The following PRKG1 variants were observed in gnomAD, a reference collection of about 807,000 sequenced individuals.
PRKG1 encodes protein kinase cGMP-dependent 1.
Under a neutral mutation model 88.1 loss-of-function variants are expected in PRKG1, and 35 were observed. The ratio of observed to expected loss-of-function variants is 0.40; its 90% CI spans 0.30 to 0.53. The LOEUF is 0.53. Among genes scored for constraint, PRKG1 ranks in the 20% least tolerant of loss-of-function variants. The probability of loss-of-function intolerance (pLI) is 0.59; values close to 1 mark genes in which losing one functional copy is unlikely to be tolerated. For missense variants in PRKG1, 540 were observed against 839.8 expected (o/e 0.64, Z 4.41); for synonymous variants, 303 against 292.5 (o/e 1.04, Z -0.37).
rs543220713 is a variant in PRKG1, at chr10:51,743,077, G to A, written c.593-61508G>A. On this transcript the variant is annotated intron_variant, in intron 3 of 17. Coordinates refer to ENST00000373980, the MANE Select transcript of PRKG1 (RefSeq NM_006258.4). The stretch of plus-strand genomic sequence containing the variant: ...AAGAGAGAGAGAGAGAGAAAGGAAG[G>A]ATACACAGAGACCGGCAGCTCTTTC... Among the ~76,000 whole-genome samples the A allele has an allele frequency of 8.6e-5, 13 of 151,792 alleles. No individual in the cohort carries two copies. In the South Asian group the frequency reaches 2.5e-3, roughly 29 times the overall value.
chr10:50,998,784 G>A (rs1461460616), intron 1 of PRKG1, among the ~76,000 whole-genome samples: 1 of 152,012 alleles, frequency 6.6e-6, no homozygotes. Flanking sequence ...ACAAAACAAA[G>A]CTTTAAAATA....
chr10:51,186,352 T>C (rs1026429870), intron 2 of PRKG1, among the ~76,000 whole-genome samples: 2 of 152,056 alleles, frequency 1.3e-5, no homozygotes, highest in African/African-American at 4.8e-5. Context: ...ATTCTTTCCC[T>C]TGTTACATTC....
intron 3 of PRKG1, among the ~76,000 whole-genome samples, chr10:51,746,377 A>C (rs1401829073): frequency 6.6e-6 from 1 of 151,612 alleles, no homozygotes; most frequent in East Asian, 1.9e-4. Flanking sequence ...TCTCACCTCT[A>C]TCTTAGAGTT....
At chr10:51,735,629 A>C (rs207470902) in intron 3 of PRKG1, among the ~76,000 whole-genome samples, 1 of 152,096 alleles carries the variant, frequency 6.6e-6, no homozygotes, top group African/African-American at 2.4e-5. Flanking sequence ...CTGATATAAA[A>C]TGGCATAAAT....
At chr10:51,168,725 A>G (rs1440533309) in intron 2 of PRKG1, among the ~76,000 whole-genome samples, 1 of 152,194 alleles carries the variant, frequency 6.6e-6, no homozygotes, top group African/African-American at 2.4e-5. Context: ...CACATCACAC[A>G]TATCTAGAAC....
chr10:52,270,379 T>C (rs12411710), intron 10 of PRKG1, among the ~76,000 whole-genome samples: 4,501 of 151,876 alleles, frequency 0.03, 292 homozygotes, highest in East Asian at 0.24. Context: ...GGTATATACC[T>C]AAAGGATTAT....
At chr10:51,580,173 A>C (rs143275333) in intron 3 of PRKG1, among the ~76,000 whole-genome samples, 2 of 151,684 alleles carry the variant, frequency 1.3e-5, no homozygotes, top group East Asian at 3.9e-4. Flanking sequence ...TGTCTTTGTC[A>C]CTCTCTGTTA....
intron 3 of PRKG1, among the ~76,000 whole-genome samples, chr10:51,588,437 T>C (rs1351486465): frequency 2.0e-5 from 3 of 152,194 alleles, no homozygotes; most frequent in Admixed American, 6.6e-5. Context: ...AAGTCTGAGG[T>C]AGGCCTTACA....
At chr10:52,213,727 G>C (rs1193780125) in intron 9 of PRKG1, among the ~76,000 whole-genome samples, 1 of 152,190 alleles carries the variant, frequency 6.6e-6, no homozygotes. Context: ...GACTGGAAGA[G>C]AGGCAGTGGC....
chr10:51,214,534 C>T (rs900495097), intron 2 of PRKG1, among the ~76,000 whole-genome samples: 12 of 151,854 alleles, frequency 7.9e-5, no homozygotes, highest in Non-Finnish European at 1.2e-4. Flanking sequence ...CAGGCTGGAG[C>T]GCAGTGGCAT....
intron 12 of PRKG1, among the ~76,000 whole-genome samples, chr10:52,276,158 G>A (rs930745205): frequency 5.3e-5 from 8 of 152,036 alleles, no homozygotes; most frequent in South Asian, 4.1e-4. Context: ...CCCCTTTACC[G>A]ATTTGGATGC....
intron 2 of PRKG1, among the ~76,000 whole-genome samples, chr10:51,384,195 C>T (rs1010841561): frequency 2.4e-4 from 36 of 152,242 alleles, no homozygotes; most frequent in African/African-American, 8.7e-4. Context: ...GCAGCCAGAG[C>T]CCAACTCAAA....
intron 5 of PRKG1, among the ~76,000 whole-genome samples, chr10:51,913,007 C>A (rs2132959327): frequency 6.6e-6 from 1 of 152,304 alleles, no homozygotes; most frequent in Non-Finnish European, 1.5e-5. Context: ...CAGCTCACTG[C>A]AACCTTCATC....
Position 51,551,703 on chromosome 10 carries a change from G to A in PRKG1, c.592+83867G>A, listed in dbSNP as rs145378480. Among the ~76,000 whole-genome samples the A allele has an allele frequency of 3.9e-3, 589 of 151,738 alleles. 28 individuals are homozygous for A. The East Asian group carries it at 0.1, about 26-fold the overall frequency. Reference sequence around the variant, plus strand: ...CTTTGAAAAACTAATAATTGAGTGAGACTCCTCTATCATTGAAAAACTAAT... The same window carrying A: ...CTTTGAAAAACTAATAATTGAGTGAAACTCCTCTATCATTGAAAAACTAAT... On this transcript the variant is annotated intron_variant, in intron 3 of 17. Coordinates refer to ENST00000373980, the MANE Select transcript of PRKG1 (RefSeq NM_006258.4).
chr10:51,654,005 G>C (rs1840102987), intron 3 of PRKG1, among the ~76,000 whole-genome samples: 1 of 151,876 alleles, frequency 6.6e-6, no homozygotes, highest in Admixed American at 6.6e-5. Flanking sequence ...TGTTCATTCT[G>C]TTGTTTACTT....
intron 3 of PRKG1, among the ~76,000 whole-genome samples, chr10:51,607,389 A>T (rs183200259): frequency 6.6e-6 from 1 of 152,346 alleles, no homozygotes; most frequent in East Asian, 1.9e-4. Flanking sequence ...ATGTAGCTAC[A>T]TATAAAACGA....
chr10:51,021,612 T>A (rs987871836), intron 1 of PRKG1, among the ~76,000 whole-genome samples: 2 of 152,192 alleles, frequency 1.3e-5, no homozygotes, highest in African/African-American at 4.8e-5. Flanking sequence ...AAGGTAGAAT[T>A]TTTTTCCTCC....
At chr10:51,395,658 A>G (rs1320290659) in intron 2 of PRKG1, among the ~76,000 whole-genome samples, 1 of 152,240 alleles carries the variant, frequency 6.6e-6, no homozygotes, top group Non-Finnish European at 1.5e-5. Context: ...GGGAGAATTG[A>G]ATGGCTGAGT....
chr10:52,179,482 G>T (rs370147960), intron 9 of PRKG1, among the ~76,000 whole-genome samples: 2 of 152,032 alleles, frequency 1.3e-5, no homozygotes, highest in Admixed American at 1.3e-4. Flanking sequence ...GTTCCCTTAT[G>T]TGTGACTTGA....
Sources: gnomAD v4.1 joint callset for allele counts (sites outside exome capture counted in the v4.1 genomes callset) on GRCh38, gnomAD v4.1.1 for gene constraint, MANE v1.5 for transcripts, NCBI Gene and HGNC (gene_info 2026-07-23, HGNC 2026-07-21) for gene names.